The following CDH4 variants were observed in gnomAD, a reference collection of about 807,000 sequenced individuals.
CDH4 encodes the protein cadherin-4.
A neutral mutation model predicts 86.0 loss-of-function variants in CDH4; 33 were observed. That is an observed-to-expected ratio of 0.38 (90% confidence interval 0.29 to 0.51). The LOEUF (loss-of-function observed/expected upper bound fraction) is 0.51. CDH4 is among the 20% of genes least tolerant of loss of function. The pLI, the probability that CDH4 is intolerant of heterozygous loss-of-function variation, is 0.86. For synonymous variants in CDH4, 555 were observed against 549.4 expected, an observed-to-expected ratio of 1.01 and a Z score of -0.14; for missense variants, 1,114 against 1,307.4, an observed-to-expected ratio of 0.85 and a Z score of 2.28.
intron 2 of CDH4, among the ~76,000 whole-genome samples, chr20:61,655,524 C>T (rs1482545776): frequency 1.3e-5 from 2 of 152,216 alleles, no homozygotes; most frequent in Non-Finnish European, 2.9e-5. Flanking sequence ...CCGTGTTCTC[C>T]TCTCTCTCTG....
rs1037710683 is a variant in CDH4, at chr20:61,516,508, T to G, written c.170-227055T>G. ...CAAGCCAGATGTCCATGTTGGGGAG[T>G]CTAACGGCAGGTTCTCACCGCCCTG... On this transcript the variant is annotated intron_variant, in intron 2 of 15. Transcript: ENST00000614565. This position sits in a 1 kb window ranked among gnomAD's most constrained non-coding sequence, Gnocchi z 4.0. Among the ~76,000 whole-genome samples, 3 of 151,782 alleles carry G rather than the reference T, an allele frequency of 2.0e-5. No individual in the cohort carries two copies. Among genetic ancestry groups the G allele is most frequent in the African/African-American group, 7.3e-5 (3 of 41,266 alleles).
At chr20:61,591,279 T>C (rs2086517843) in intron 2 of CDH4, among the ~76,000 whole-genome samples, 1 of 152,244 alleles carries the variant, frequency 6.6e-6, no homozygotes, top group Admixed American at 6.5e-5. Context: ...AGTGATTAAT[T>C]TGTTTTAAAC....
chr20:61,636,313 C>T (rs1027412906), intron 2 of CDH4, among the ~76,000 whole-genome samples: 16 of 152,220 alleles, frequency 1.1e-4, no homozygotes, highest in Admixed American at 7.9e-4. Flanking sequence ...TGTGAAAAGG[C>T]AGAAAGTGGC....
chr20:61,373,593 C>T (rs889025822), intron 2 of CDH4, among the ~76,000 whole-genome samples: 3 of 152,126 alleles, frequency 2.0e-5, no homozygotes, highest in African/African-American at 7.2e-5. Flanking sequence ...TTGCTGCATC[C>T]ACCCTCCCAG....
chr20:61,466,695 TA>T (rs111314078), intron 2 of CDH4, among the ~76,000 whole-genome samples: 3 of 151,842 alleles, frequency 2.0e-5, no homozygotes, highest in Non-Finnish European at 2.9e-5. Flanking sequence ...ACAAAAGTAT[TA>T]AAAAAATAGC....
In CDH4 at chr20:61,417,470, G is replaced by T. The variant is rs897734323; in HGVS notation, c.169+162533G>T. Among the ~76,000 whole-genome samples the T allele has an allele frequency of 6.6e-6, 1 of 152,124 alleles. No homozygotes were observed. Among genetic ancestry groups the T allele is most frequent in the Admixed American group, 6.5e-5 (1 of 15,270 alleles). On this transcript the variant is annotated intron_variant, in intron 2 of 15. Transcript: ENST00000614565. The surrounding 1 kb of genome is among the most constrained non-coding windows in gnomAD (Gnocchi z 4.0). ...TGTTTCCTCTAAAAATATCACCCAC[G>T]TGAGCCAGCACCGTTGGGTCCGGAG...
At chr20:61,398,284 A>G (rs560305067) in intron 2 of CDH4, among the ~76,000 whole-genome samples, 72 of 152,356 alleles carry the variant, frequency 4.7e-4, no homozygotes, top group African/African-American at 1.7e-3. Context: ...GGAAGGGACA[A>G]TGTTCCTGAG....
chr20:61,532,301 T>G (rs979896101), intron 2 of CDH4, among the ~76,000 whole-genome samples: 1 of 152,236 alleles, frequency 6.6e-6, no homozygotes, highest in African/African-American at 2.4e-5. Flanking sequence ...AGTCATGTCC[T>G]GGTTTCTTTG....
chr20:61,678,845 C>T (rs541216353), intron 2 of CDH4, among the ~76,000 whole-genome samples: 1 of 152,330 alleles, frequency 6.6e-6, no homozygotes, highest in Non-Finnish European at 1.5e-5. Flanking sequence ...AGGATGCTCT[C>T]ATTGGATCCA....
At chr20:61,323,523 C>T (rs545983136) in intron 2 of CDH4, among the ~76,000 whole-genome samples, 9 of 152,328 alleles carry the variant, frequency 5.9e-5, no homozygotes, top group African/African-American at 1.9e-4. Context: ...GGCCACCTGA[C>T]GTCGGAGCCA....
chr20:61,920,731 CGTG>C (rs74218040), intron 9 of CDH4, among the ~76,000 whole-genome samples: 9 of 137,214 alleles, frequency 6.6e-5, no homozygotes, highest in Admixed American at 1.5e-4. Context: ...TGCATGGAAG[CGTG>C]GTGTGGTGAT....
At chr20:61,564,612 C>T (rs980532123) in intron 2 of CDH4, among the ~76,000 whole-genome samples, 3 of 152,162 alleles carry the variant, frequency 2.0e-5, no homozygotes, top group African/African-American at 7.2e-5. Flanking sequence ...ATGCCAGCAC[C>T]ATGCATCCTG....
rs2087291690 is a variant in CDH4 at position 61,663,898 on chromosome 20, A to G, written c.170-79665A>G. On this transcript the variant is annotated intron_variant, in intron 2 of 15. Transcript: ENST00000614565. The surrounding 1 kb of genome is among the most constrained non-coding windows in gnomAD (Gnocchi z 5.0). The stretch of plus-strand genomic sequence containing the variant: ...CCTCCACACTCCCACCGCTGGCGCC[A>G]GCATCTGTGCCCGCGGCAGTTTAGA... 6.6e-6 allele frequency among the ~76,000 whole-genome samples: 1 copy of G among 152,120 alleles called. No individual in the cohort carries two copies. Among genetic ancestry groups the G allele is most frequent in the South Asian group, 2.1e-4 (1 of 4,822 alleles).
intron 2 of CDH4, among the ~76,000 whole-genome samples, chr20:61,600,653 A>G (rs1457855651): frequency 2.0e-5 from 3 of 152,184 alleles, no homozygotes; most frequent in African/African-American, 7.2e-5. Flanking sequence ...CCCCAGGGGT[A>G]TTAAAATCCG....
chr20:61,676,886 G>T lies in CDH4; in HGVS notation c.170-66677G>T, dbSNP rs1411706724. ...GCCTTTGCCAGGGGAGGCCTGACTG[G>T]GTGGCCTCTGCTGGAGGACCTGATG... On this transcript the variant is annotated intron_variant, in intron 2 of 15. Coordinates refer to ENST00000614565, the MANE Select transcript of CDH4 (RefSeq NM_001794.5). This position sits in a 1 kb window ranked among gnomAD's most constrained non-coding sequence, Gnocchi z 4.5. Among the ~76,000 whole-genome samples, 1 of 152,190 alleles carries T rather than the reference G, an allele frequency of 6.6e-6. No homozygotes were observed. The highest frequency in any genetic ancestry group is 1.5e-5 in the Non-Finnish European group (1 of 68,030).
At chr20:61,445,310 A>G (rs1198258648) in intron 2 of CDH4, among the ~76,000 whole-genome samples, 2 of 152,178 alleles carry the variant, frequency 1.3e-5, no homozygotes, top group African/African-American at 4.8e-5. Context: ...CAGGCAGGAC[A>G]GCATCAGTGC....
At chr20:61,620,948 T>C (rs2086772167) in intron 2 of CDH4, among the ~76,000 whole-genome samples, 1 of 152,250 alleles carries the variant, frequency 6.6e-6, no homozygotes, top group Non-Finnish European at 1.5e-5. Context: ...AGGTTCAGCT[T>C]TCCTGGGTCT....
At chr20:61,590,180 G>C (rs1198018212) in intron 2 of CDH4, among the ~76,000 whole-genome samples, 1 of 136,934 alleles carries the variant, frequency 7.3e-6, no homozygotes, top group Non-Finnish European at 1.6e-5. Flanking sequence ...GGTGGGGGGA[G>C]GAGGACAGAG....
chr20:61,822,482 G>A (rs112016421), intron 4 of CDH4, among the ~76,000 whole-genome samples: 105 of 152,314 alleles, frequency 6.9e-4, no homozygotes, highest in African/African-American at 2.4e-3. Flanking sequence ...GCAGAGAGCC[G>A]CAGCGAAGGT....
Sources: gnomAD v4.1 joint callset for allele counts (sites outside exome capture counted in the v4.1 genomes callset) on GRCh38, gnomAD v4.1.1 for gene constraint, Gnocchi (gnomAD v3.1) non-coding constraint, MANE v1.5 for transcripts, NCBI Gene and HGNC (gene_info 2026-07-23, HGNC 2026-07-21) for gene names.